Variants in CDKL5 observed in about 807,000 individuals in gnomAD.
CDKL5 encodes cyclin-dependent kinase-like 5.
Under a neutral mutation model 61.7 loss-of-function variants are expected in CDKL5, and 8 were observed. That is an observed-to-expected ratio of 0.13 (90% CI 0.08 to 0.23). The LOEUF (loss-of-function observed/expected upper bound fraction) is 0.23. CDKL5 is among the 10% of genes least tolerant of loss of function. CDKL5 has a pLI of 1.00. For synonymous variants in CDKL5, 275 were observed against 272.3 expected (o/e 1.01, Z -0.10); for missense variants, 440 against 734.5 (o/e 0.60, Z 4.63).
At chrX:18,607,518 A>G (rs1031195182) in intron 12 of CDKL5, among the ~76,000 whole-genome samples, 23 of 112,592 alleles carry the variant, frequency 2.0e-4, no homozygotes, top group African/African-American at 7.4e-4. Flanking sequence ...TTTTGTGAAC[A>G]TGGTGGTCAT....
Position 18,548,019 on chromosome X carries a change from T to C in CDKL5, c.100-16458T>C, listed in dbSNP as rs181223828. On this transcript the variant is annotated intron_variant, in intron 3 of 17. Transcript: ENST00000623535. ...TTTTTTATTGGCCGGGGTTGGGTTG[T>C]ATAATTTAAATTAAATTTGGTTGGC... 8.1e-5 allele frequency among the ~76,000 whole-genome samples: 9 copies of C among 111,424 alleles called. No homozygotes were observed. The Admixed American group carries it at 8.7e-4, about 11-fold the overall frequency.
intron 9 of CDKL5, among the ~76,000 whole-genome samples, chrX:18,593,733 C>T (rs1925900084): frequency 1.8e-5 from 2 of 112,392 alleles, no homozygotes; most frequent in Non-Finnish European, 1.9e-5. Flanking sequence ...CAAAATGCCT[C>T]GCATAACATC....
At chrX:18,606,174 T>TCACACACACACACACA (rs528800542) in intron 12 of CDKL5, among the ~76,000 whole-genome samples, 31 of 96,899 alleles carry the variant, frequency 3.2e-4, no homozygotes, top group African/African-American at 1.1e-3. Flanking sequence ...AGCAAGACTG[T>TCACACACACACACACA]CACACACACA....
intron 1 of CDKL5, among the ~76,000 whole-genome samples, chrX:18,432,627 C>T (rs1357513480): frequency 1.1e-5 from 1 of 93,404 alleles, no homozygotes. Context: ...TTTTTTGAGA[C>T]CGGATCTCAA....
chrX:18,451,731 G>T (rs1049083030), intron 1 of CDKL5, among the ~76,000 whole-genome samples: 4 of 110,354 alleles, frequency 3.6e-5, no homozygotes, highest in Non-Finnish European at 5.7e-5. Flanking sequence ...TAGAGATGGG[G>T]TTTTGCCATG....
chrX:18,506,949 C>T lies in CDKL5; in HGVS notation c.-148C>T. The T allele has an allele frequency of 2.1e-6, 1 of 483,498 alleles. No homozygotes were observed. Among genetic ancestry groups the T allele is most frequent in the South Asian group, 3.0e-5 (1 of 33,234 alleles). The allele number at this position is 483,498 out of a possible 1,213,427, so 39.8% of individuals were successfully genotyped here. ...GTTTTTTTCAGGGAGTCATTTAATA[C>T]TTCATGATTAGAACAAATATGTGAA... On this transcript the variant is annotated 5_prime_UTR_variant, in exon 2 of 18. Transcript: ENST00000623535.
intron 1 of CDKL5, among the ~76,000 whole-genome samples, chrX:18,427,555 A>G (rs1027497193): frequency 4.5e-5 from 5 of 110,652 alleles, no homozygotes; most frequent in Non-Finnish European, 7.6e-5. Context: ...GGGTTCCTCA[A>G]TTGGAGAGGG....
At chrX:18,499,910 C>A (rs895852627) in intron 1 of CDKL5, among the ~76,000 whole-genome samples, 1 of 111,836 alleles carries the variant, frequency 8.9e-6, no homozygotes, top group Non-Finnish European at 1.9e-5. Context: ...TCCCTCAGAG[C>A]GTTGCTTTTT....
In CDKL5 at chrX:18,478,286, C is replaced by CT. The variant is rs199921816; in HGVS notation, c.-162-28631dup. Among the ~76,000 whole-genome samples, 305 of 64,872 alleles carry CT rather than the reference C, an allele frequency of 4.7e-3. 2 individuals are homozygous for CT. Among genetic ancestry groups the CT allele is most frequent in the East Asian group, 7.9e-3 (15 of 1,891 alleles). The allele number at this position is 64,872 out of a possible 115,157, so 56.3% of individuals were successfully genotyped here. On this transcript the variant is annotated intron_variant, in intron 1 of 17. Transcript: ENST00000623535. Reference sequence around the variant, plus strand: ...CTCCATCGTTTGTTTCTTTTCTTTCCTTTTTTTTTTTTTTTTTTGAGATGG... The same window carrying CT: ...CTCCATCGTTTGTTTCTTTTCTTTCCTTTTTTTTTTTTTTTTTTTGAGATGG...
Position 18,528,585 on chromosome X carries a change from C to CCTCTCTCTCT in CDKL5, c.99+17744_99+17753dup, listed in dbSNP as rs752729307. On this transcript the variant is annotated intron_variant, in intron 3 of 17. Transcript: ENST00000623535. ...TTTTATCCTATCCCTTCCCTCCCTG[C>CCTCTCTCTCT]CTCTCTCTCTCTCTCTCTCTCTTTC... Among the ~76,000 whole-genome samples, 47 of 103,822 alleles carry CCTCTCTCTCT rather than the reference C, an allele frequency of 4.5e-4. 1 individual carries two copies. The highest frequency in any genetic ancestry group is 1.6e-3 in the African/African-American group (47 of 28,775). The allele number at this position is 103,822 out of a possible 115,157, so 90.2% of individuals were successfully genotyped here. A position where few individuals can be genotyped will look rare whatever the true frequency, so the allele number is the denominator to read the frequency against.
chrX:18,622,304 TC>T (rs1294273633), intron 16 of CDKL5, among the ~76,000 whole-genome samples: 1 of 112,514 alleles, frequency 8.9e-6, no homozygotes, highest in Non-Finnish European at 1.9e-5. Flanking sequence ...GTAGAATATC[TC>T]TGCATAGGCC....
At chrX:18,626,022 A>C (rs1304337066) in intron 17 of CDKL5, among the ~76,000 whole-genome samples, 1 of 105,985 alleles carries the variant, frequency 9.4e-6, no homozygotes, top group Non-Finnish European at 1.9e-5. Flanking sequence ...TGTGTCTGTG[A>C]TTTCTTGTGT....
At chrX:18,569,821 C>G (rs1173967616) in intron 4 of CDKL5, among the ~76,000 whole-genome samples, 1 of 110,533 alleles carries the variant, frequency 9.0e-6, no homozygotes, top group African/African-American at 3.3e-5. Context: ...GTCACTGGGC[C>G]TCTGTGCATG....
chrX:18,478,129 T>C (rs1220926749), intron 1 of CDKL5, among the ~76,000 whole-genome samples: 1 of 111,522 alleles, frequency 9.0e-6, no homozygotes, highest in African/African-American at 3.3e-5. Flanking sequence ...AGTTTTCATT[T>C]ATCTGGGAAT....
chrX:18,529,726 A>T (rs1334844356), intron 3 of CDKL5, among the ~76,000 whole-genome samples: 1 of 110,749 alleles, frequency 9.0e-6, no homozygotes, highest in African/African-American at 3.3e-5. Flanking sequence ...GGTAATTCTT[A>T]TCCTTGTTCT....
chrX:18,631,995 G>A lies in CDKL5; in HGVS notation c.*3238G>A, dbSNP rs1927251557. On this transcript the variant is annotated 3_prime_UTR_variant, in exon 18 of 18. Coordinates refer to ENST00000623535, the MANE Select transcript of CDKL5 (RefSeq NM_001323289.2). ...TGATGGTATGCTACTGGCATCAAGT[G>A]GTTAGAGGCCACAGATGCTACTAAA... The A allele has an allele frequency of 1.8e-6, 1 of 561,852 alleles. No homozygotes were observed. The highest frequency in any genetic ancestry group is 2.2e-6 in the Non-Finnish European group (1 of 465,044). The allele number at this position is 561,852 out of a possible 1,213,427, so 46.3% of individuals were successfully genotyped here. A position where few individuals can be genotyped will look rare whatever the true frequency, so the allele number is the denominator to read the frequency against.
chrX:18,456,239 C>T (rs1411833385), intron 1 of CDKL5, among the ~76,000 whole-genome samples: 2 of 110,196 alleles, frequency 1.8e-5, no homozygotes, highest in Admixed American at 2.0e-4. Flanking sequence ...GGGGTTTCAC[C>T]ATGTTAGCCA....
chrX:18,484,330 G>C (rs765818444), intron 1 of CDKL5, among the ~76,000 whole-genome samples: 6 of 108,657 alleles, frequency 5.5e-5, no homozygotes, highest in Non-Finnish European at 9.6e-5. Flanking sequence ...TTTTTTTTTG[G>C]GGGGGGGACA....
chrX:18,487,277 C>G lies in CDKL5; in HGVS notation c.-162-19658C>G, dbSNP rs139540380. The stretch of plus-strand genomic sequence containing the variant: ...AGATTTCTGGTGAATAGGAATTTTT[C>G]AATAATTAGAACGATCTGAAATTGG... On this transcript the variant is annotated intron_variant, in intron 1 of 17. Coordinates refer to ENST00000623535, the MANE Select transcript of CDKL5 (RefSeq NM_001323289.2). Among the ~76,000 whole-genome samples the G allele has an allele frequency of 4.1e-3, 456 of 111,918 alleles. 2 individuals carry two copies. The highest frequency in any genetic ancestry group is 0.014 in the African/African-American group (444 of 30,873).
Sources: allele counts gnomAD v4.1 joint callset (sites outside exome capture counted in the v4.1 genomes callset), GRCh38; gene constraint gnomAD v4.1.1; transcripts MANE v1.5; gene names NCBI Gene and HGNC (gene_info 2026-07-23, HGNC 2026-07-21).